The following TRHDE variants were observed in gnomAD, a reference collection of about 807,000 sequenced individuals.
TRHDE encodes thyrotropin-releasing hormone-degrading ectoenzyme.
Under a neutral mutation model 125.7 loss-of-function variants are expected in TRHDE, and 72 were observed. That is an observed-to-expected ratio of 0.57 (90% confidence interval 0.47 to 0.70). The LOEUF (loss-of-function observed/expected upper bound fraction) is 0.70, where lower values mean the gene tolerates loss of function less well. Ranked by LOEUF, TRHDE falls within the 30% of genes least tolerant of loss-of-function variation. TRHDE has a pLI of 0.00. For synonymous variants in TRHDE, 509 were observed against 509.1 expected, an observed-to-expected ratio of 1.00 and a Z score of 0.00; for missense variants, 1,110 against 1,327.1, an observed-to-expected ratio of 0.84 and a Z score of 2.54.
intron 3 of TRHDE, among the ~76,000 whole-genome samples, chr12:72,395,944 G>A (rs1209636172): frequency 6.6e-6 from 1 of 151,344 alleles, no homozygotes; most frequent in Non-Finnish European, 1.5e-5. Context: ...TTTTACAAAA[G>A]CAATCAAAAG....
chr12:72,146,562 A>G (rs980668602), intron 2 of TRHDE, among the ~76,000 whole-genome samples: 9 of 152,152 alleles, frequency 5.9e-5, no homozygotes, highest in Non-Finnish European at 1.2e-4. Context: ...AATTTGGTCA[A>G]TGAAAAAGCG....
chr12:72,612,610 A>G (rs1872672698), intron 12 of TRHDE, among the ~76,000 whole-genome samples: 1 of 152,176 alleles, frequency 6.6e-6, no homozygotes, highest in Non-Finnish European at 1.5e-5. Flanking sequence ...TGGGCATAAT[A>G]GTACTGATAT....
At chr12:72,271,988 C>G, upstream of TRHDE, 1 of 456,774 alleles carries the variant, frequency 2.2e-6, no homozygotes, top group Non-Finnish European at 4.4e-6. Flanking sequence ...CAGGACGGAT[C>G]TCCGTCGTAG....
At chr12:72,206,766 G>T (rs538879111) in intron 2 of TRHDE, among the ~76,000 whole-genome samples, 5 of 151,804 alleles carry the variant, frequency 3.3e-5, no homozygotes, top group African/African-American at 9.7e-5. Flanking sequence ...TAATTATATT[G>T]CTTTGTGTGT....
chr12:72,562,786 G>C (rs1339157019), intron 8 of TRHDE, 67 bp from the exon 9 acceptor site: 2 of 1,023,784 alleles, frequency 2.0e-6, no homozygotes, highest in East Asian at 5.4e-5. Flanking sequence ...AAATAAAAAT[G>C]TCTTAATGTT....
chr12:72,504,795 A>T (rs1878294260), intron 6 of TRHDE, among the ~76,000 whole-genome samples: 1 of 152,132 alleles, frequency 6.6e-6, no homozygotes, highest in African/African-American at 2.4e-5. Flanking sequence ...ATATTTTGAA[A>T]TGTTGTATGT....
intron 6 of TRHDE, among the ~76,000 whole-genome samples, chr12:72,538,552 C>G (rs1472754242): frequency 1.3e-5 from 2 of 151,938 alleles, no homozygotes; most frequent in East Asian, 3.9e-4. Flanking sequence ...TTGGCAGACT[C>G]TCCCACTCTA....
intron 6 of TRHDE, among the ~76,000 whole-genome samples, chr12:72,516,951 G>A (rs1878898338): frequency 6.6e-6 from 1 of 152,082 alleles, no homozygotes; most frequent in Non-Finnish European, 1.5e-5. Context: ...TACATTTATT[G>A]ATTTGCATAT....
At chr12:72,116,167 A>G (rs1478457075) in intron 2 of TRHDE, among the ~76,000 whole-genome samples, 1 of 152,154 alleles carries the variant, frequency 6.6e-6, no homozygotes, top group Non-Finnish European at 1.5e-5. Context: ...AGCTTCATCC[A>G]TGTCCCTGCA....
At position 72,664,743 on chromosome 12, in the gene TRHDE, A is replaced by T. The variant is rs937303632; in HGVS notation, c.*1548A>T. 1 of 152,106 alleles carries T rather than the reference A, an allele frequency of 6.6e-6. No individual in the cohort carries two copies. Among genetic ancestry groups the T allele is most frequent in the Non-Finnish European group, 1.5e-5 (1 of 67,994 alleles). The allele number at this position is 152,106 out of a possible 1,614,324, so 9.4% of individuals were successfully genotyped here. ...TCTTACAAATCATTGAAAGAAATAT[A>T]TTCTAACAGTACGCACTGAATAGTG... On this transcript the variant is annotated 3_prime_UTR_variant, in exon 19 of 19. Coordinates refer to ENST00000261180, the MANE Select transcript of TRHDE (RefSeq NM_013381.3).
intron 6 of TRHDE, among the ~76,000 whole-genome samples, chr12:72,502,902 C>T (rs1178749308): frequency 1.3e-5 from 2 of 152,142 alleles, no homozygotes; most frequent in Non-Finnish European, 2.9e-5. Context: ...GCTGAAATTT[C>T]AGGGACTTCA....
intron 2 of TRHDE, among the ~76,000 whole-genome samples, chr12:72,366,351 T>C (rs1423632669): frequency 6.6e-6 from 1 of 152,130 alleles, no homozygotes; most frequent in East Asian, 1.9e-4. Flanking sequence ...ATTCCACAGC[T>C]TAGTAAATAA....
At chr12:72,517,480 C>A (rs1037029638) in intron 6 of TRHDE, among the ~76,000 whole-genome samples, 4 of 146,176 alleles carry the variant, frequency 2.7e-5, no homozygotes, top group Non-Finnish European at 6.1e-5. Context: ...TCTGTGGGAT[C>A]GGTGGTGATA....
intron 1 of TRHDE, among the ~76,000 whole-genome samples, chr12:72,090,357 C>T (rs563050279): frequency 3.7e-4 from 56 of 152,178 alleles, no homozygotes; most frequent in South Asian, 8.3e-4. Flanking sequence ...TATTGGAGGA[C>T]ACTATTCACC....
At chr12:72,272,366 G>T (rs1879257036), upstream of TRHDE, 6 of 372,196 alleles carry the variant, frequency 1.6e-5, no homozygotes, top group Non-Finnish European at 2.1e-5. The surrounding 1 kb of genome is among the most constrained non-coding windows in gnomAD (Gnocchi z 6.7). Flanking sequence ...CCGGGTGCTC[G>T]TCCGAGAAGT....
intron 1 of TRHDE, chr12:72,087,571 T>G (rs1323108026): frequency 6.6e-6 from 1 of 151,774 alleles, no homozygotes; most frequent in Non-Finnish European, 1.5e-5. Flanking sequence ...ATTTTGGGGG[T>G]CAGGAATTTG....
chr12:72,486,023 C>T (rs568149229), intron 5 of TRHDE, among the ~76,000 whole-genome samples: 1 of 152,302 alleles, frequency 6.6e-6, no homozygotes, highest in South Asian at 2.1e-4. Flanking sequence ...GTACCTCATA[C>T]CCCACTGTGT....
At chr12:72,447,612 A>G (rs1875361964) in intron 3 of TRHDE, among the ~76,000 whole-genome samples, 1 of 152,036 alleles carries the variant, frequency 6.6e-6, no homozygotes, top group Non-Finnish European at 1.5e-5. Context: ...TCTGATACAC[A>G]CTCATATTTG....
At chr12:72,097,457 T>C (rs953222005) in intron 1 of TRHDE, among the ~76,000 whole-genome samples, 1 of 149,312 alleles carries the variant, frequency 6.7e-6, no homozygotes, top group Admixed American at 6.7e-5. Flanking sequence ...TTTTTTTTTT[T>C]TTTTTTTTTT....
Sources: allele counts gnomAD v4.1 joint callset (sites outside exome capture counted in the v4.1 genomes callset), GRCh38; gene constraint gnomAD v4.1.1; non-coding constraint Gnocchi (gnomAD v3.1); transcripts MANE v1.5; gene names NCBI Gene and HGNC (gene_info 2026-07-23, HGNC 2026-07-21).